DPYD: variants seen among roughly 807,000 people sequenced by gnomAD.
DPYD encodes dihydropyrimidine dehydrogenase, also known as dihydropyrimidine dehydrogenase [NADP(+)].
A neutral mutation model predicts 116.2 loss-of-function variants in DPYD; 109 were observed. That is an observed-to-expected ratio of 0.94 (90% CI 0.80 to 1.10). DPYD has a LOEUF of 1.10. Among genes scored for constraint, DPYD ranks in the 50% least tolerant of loss-of-function variants. The pLI, the probability that DPYD is intolerant of heterozygous loss-of-function variation, is 0.00. For synonymous variants in DPYD, 440 were observed against 432.0 expected, an observed-to-expected ratio of 1.02 and a Z score of -0.23; for missense variants, 1,302 against 1,254.5, an observed-to-expected ratio of 1.04 and a Z score of -0.57.
At chr1:97,599,907 G>A (rs925041355) in intron 8 of DPYD, among the ~76,000 whole-genome samples, 13 of 144,332 alleles carry the variant, frequency 9.0e-5, no homozygotes, top group Admixed American at 5.7e-4. Flanking sequence ...TTAGCCGGGC[G>A]TGCTGGCTCA....
intron 22 of DPYD, among the ~76,000 whole-genome samples, chr1:97,080,882 A>T (rs1339340505): frequency 1.3e-5 from 2 of 152,102 alleles, no homozygotes; most frequent in African/African-American, 4.8e-5. Flanking sequence ...GATTTTTCTA[A>T]AGTTGTTCCA....
intron 20 of DPYD, among the ~76,000 whole-genome samples, chr1:97,164,971 G>C (rs1451089117): frequency 6.6e-6 from 1 of 151,740 alleles, no homozygotes; most frequent in Non-Finnish European, 1.5e-5. Context: ...GCCTCCCAAA[G>C]TGCTGGGATT....
intron 20 of DPYD, among the ~76,000 whole-genome samples, chr1:97,124,218 C>G (rs769105872): frequency 6.6e-6 from 1 of 152,062 alleles, no homozygotes; most frequent in Non-Finnish European, 1.5e-5. Context: ...CCTCCACCCC[C>G]GCCCTGCTCT....
intron 13 of DPYD, among the ~76,000 whole-genome samples, chr1:97,456,245 T>C: frequency 6.6e-6 from 1 of 151,974 alleles, no homozygotes; most frequent in East Asian, 1.9e-4. Flanking sequence ...CTCATTTCAG[T>C]TGCAAGAAAA....
chr1:97,406,636 T>A (rs1438409698), intron 14 of DPYD, among the ~76,000 whole-genome samples: 1 of 149,348 alleles, frequency 6.7e-6, no homozygotes, highest in Non-Finnish European at 1.5e-5. Flanking sequence ...TTTTACACTG[T>A]TGGTGGGGTG....
chr1:97,173,195 T>C (rs775533514), intron 20 of DPYD, among the ~76,000 whole-genome samples: 1 of 147,530 alleles, frequency 6.8e-6, no homozygotes, highest in Non-Finnish European at 1.5e-5. Flanking sequence ...TATATGTGTA[T>C]ATATGTGTAC....
intron 14 of DPYD, among the ~76,000 whole-genome samples, chr1:97,384,620 C>T (rs759051950): frequency 1.3e-5 from 2 of 151,476 alleles, no homozygotes; most frequent in South Asian, 2.1e-4. Context: ...AAACTGCTGG[C>T]GATTATATGA....
intron 20 of DPYD, among the ~76,000 whole-genome samples, chr1:97,175,651 G>T (rs1334604785): frequency 6.6e-6 from 1 of 152,152 alleles, no homozygotes; most frequent in African/African-American, 2.4e-5. Flanking sequence ...GAGAATGTCT[G>T]TTTCTCAACT....
intron 10 of DPYD, 74 bp from the exon 11 acceptor site, chr1:97,574,044 T>A: frequency 6.4e-7 from 1 of 1,572,142 alleles, no homozygotes. Flanking sequence ...TCTAATTGAA[T>A]TACACATGCT....
intron 18 of DPYD, among the ~76,000 whole-genome samples, chr1:97,290,969 T>C (rs941998539): frequency 1.3e-5 from 2 of 151,730 alleles, no homozygotes; most frequent in African/African-American, 2.4e-5. Context: ...GAATCTACAA[T>C]GAACTCAAAC....
At chr1:97,545,176 GA>G (rs1018719966) in intron 12 of DPYD, among the ~76,000 whole-genome samples, 1 of 151,882 alleles carries the variant, frequency 6.6e-6, no homozygotes, top group Non-Finnish European at 1.5e-5. Flanking sequence ...GTCTTATAAT[GA>G]AAAAAAATTA....
intron 20 of DPYD, among the ~76,000 whole-genome samples, chr1:97,123,920 T>C (rs1214130228): frequency 6.6e-6 from 1 of 152,102 alleles, no homozygotes; most frequent in African/African-American, 2.4e-5. Context: ...GCCTGGGTGA[T>C]TCAGGTCAAT....
intron 18 of DPYD, among the ~76,000 whole-genome samples, chr1:97,247,822 A>G (rs1456876945): frequency 6.6e-6 from 1 of 152,232 alleles, no homozygotes; most frequent in East Asian, 1.9e-4. Flanking sequence ...CAGAAAGTCA[A>G]AATTAAAAAT....
At chr1:97,278,146 C>T (rs11165829) in intron 18 of DPYD, among the ~76,000 whole-genome samples, 3 of 151,978 alleles carry the variant, frequency 2.0e-5, no homozygotes, top group African/African-American at 7.3e-5. Context: ...AAGAATTTCT[C>T]TTGATTGCAG....
chr1:97,750,053 C>T (rs954414774), intron 3 of DPYD, among the ~76,000 whole-genome samples: 6 of 151,912 alleles, frequency 3.9e-5, no homozygotes, highest in Non-Finnish European at 2.9e-5. Flanking sequence ...TTTTGAAACA[C>T]CTGTTGTATG....
intron 13 of DPYD, among the ~76,000 whole-genome samples, chr1:97,462,452 G>A (rs936824199): frequency 1.8e-4 from 28 of 151,668 alleles, no homozygotes; most frequent in Non-Finnish European, 3.1e-4. Context: ...ATATGAATAG[G>A]CCCCCTCCTC....
chr1:97,453,771 C>T (rs953089951), intron 13 of DPYD, among the ~76,000 whole-genome samples: 3 of 152,012 alleles, frequency 2.0e-5, no homozygotes, highest in Non-Finnish European at 4.4e-5. Context: ...TTTTTCTCTT[C>T]TACGATGTGG....
chr1:97,754,693 A>G (rs1571305122), intron 3 of DPYD, among the ~76,000 whole-genome samples: 1 of 152,208 alleles, frequency 6.6e-6, no homozygotes, highest in East Asian at 1.9e-4. Context: ...TGAATAAGTT[A>G]TAGGTTCAGC....
intron 19 of DPYD, among the ~76,000 whole-genome samples, chr1:97,197,456 C>T (rs1479790056): frequency 6.6e-6 from 1 of 152,048 alleles, no homozygotes; most frequent in Non-Finnish European, 1.5e-5. Context: ...ATGTCATGTA[C>T]TTTATGGGAT....
Sources: allele counts gnomAD v4.1 joint callset (sites outside exome capture counted in the v4.1 genomes callset), GRCh38; gene constraint gnomAD v4.1.1; transcripts MANE v1.5; gene names NCBI Gene and HGNC (gene_info 2026-07-23, HGNC 2026-07-21).